The following CPNE4 variants were observed in gnomAD, a reference collection of about 807,000 sequenced individuals.
CPNE4 encodes copine 4, also known as copine-4.
CPNE4 carries 25 observed loss-of-function variants against 67.9 expected under a neutral mutation model. The observed-to-expected ratio is 0.37, with a 90% CI of 0.27 to 0.51. The LOEUF is 0.51. Ranked by LOEUF, CPNE4 falls within the 20% of genes least tolerant of loss-of-function variation. CPNE4 has a pLI of 0.93. For missense variants in CPNE4, 464 were observed against 690.8 expected, an observed-to-expected ratio of 0.67 and a Z score of 3.68; for synonymous variants, 242 against 244.9, an observed-to-expected ratio of 0.99 and a Z score of 0.11.
chr3:131,854,855 CTTT>C (rs1358802620), intron 2 of CPNE4, among the ~76,000 whole-genome samples: 1 of 148,400 alleles, frequency 6.7e-6, no homozygotes, highest in African/African-American at 2.5e-5. Context: ...CCTTCTTTTT[CTTT>C]TGAGGGTCCC....
chr3:132,028,230 A>G (rs1468969369), intron 1 of CPNE4, among the ~76,000 whole-genome samples: 1 of 152,212 alleles, frequency 6.6e-6, no homozygotes, highest in African/African-American at 2.4e-5. Context: ...CTTGAAATAC[A>G]GGGAGAGGAA....
intron 11 of CPNE4, among the ~76,000 whole-genome samples, chr3:131,561,938 A>G (rs544506813): frequency 9.8e-4 from 149 of 152,018 alleles, no homozygotes; most frequent in Non-Finnish European, 1.7e-3. Context: ...GAGTTTTTCA[A>G]TCCTCCTTCT....
intron 1 of CPNE4, among the ~76,000 whole-genome samples, chr3:131,986,869 A>AAC (rs199775130): frequency 2.0e-3 from 62 of 30,518 alleles, no homozygotes; most frequent in Middle Eastern, 0.02. Flanking sequence ...CAAACAAACA[A>AAC]AAAAAAAAAA....
chr3:131,879,203 T>G (rs1208190927), intron 2 of CPNE4, among the ~76,000 whole-genome samples: 1 of 152,200 alleles, frequency 6.6e-6, no homozygotes, highest in Non-Finnish European at 1.5e-5. Context: ...TGTATGAGAT[T>G]GTCTAAGAGA....
At chr3:131,664,439 C>A (rs2080208277) in intron 7 of CPNE4, among the ~76,000 whole-genome samples, 1 of 152,100 alleles carries the variant, frequency 6.6e-6, no homozygotes, top group Non-Finnish European at 1.5e-5. Context: ...TCTTATAAAT[C>A]ATACATTGAT....
At chr3:131,862,916 T>A (rs1351806418) in intron 2 of CPNE4, among the ~76,000 whole-genome samples, 1 of 150,934 alleles carries the variant, frequency 6.6e-6, no homozygotes, top group Non-Finnish European at 1.5e-5. Context: ...TGTCCATGTG[T>A]TCTCATTGTT....
intron 1 of CPNE4, among the ~76,000 whole-genome samples, chr3:132,019,959 G>T (rs1430019921): frequency 6.6e-6 from 1 of 152,160 alleles, no homozygotes; most frequent in Non-Finnish European, 1.5e-5. Flanking sequence ...GCTCATTAAG[G>T]ACATTCTCAC....
intron 2 of CPNE4, among the ~76,000 whole-genome samples, chr3:131,805,746 G>T (rs1177880449): frequency 2.0e-5 from 3 of 152,184 alleles, no homozygotes; most frequent in Non-Finnish European, 4.4e-5. Flanking sequence ...TTCTAAGACA[G>T]ATCTAGGGAG....
At chr3:131,640,072 G>A (rs2079501082) in intron 7 of CPNE4, among the ~76,000 whole-genome samples, 1 of 152,246 alleles carries the variant, frequency 6.6e-6, no homozygotes, top group Non-Finnish European at 1.5e-5. Context: ...GGGAAAAGTT[G>A]AAAGCATTCC....
At chr3:131,879,943 C>T (rs1374677253) in intron 2 of CPNE4, among the ~76,000 whole-genome samples, 1 of 152,040 alleles carries the variant, frequency 6.6e-6, no homozygotes, top group African/African-American at 2.4e-5. Context: ...TCCTGGGCTC[C>T]TCTTCCCAAT....
At chr3:131,905,468 A>C (rs765054603) in intron 1 of CPNE4, 24 bp from the exon 2 acceptor site, 7 of 1,593,310 alleles carry the variant, frequency 4.4e-6, no homozygotes, top group Admixed American at 3.5e-5. Context: ...GTAAAAGAAT[A>C]AAAAAGAAGT....
chr3:131,671,110 T>C (rs971188947), intron 6 of CPNE4, among the ~76,000 whole-genome samples: 3 of 152,192 alleles, frequency 2.0e-5, no homozygotes, highest in Admixed American at 6.5e-5. Context: ...TTTAATTAAT[T>C]ATCTATCCAA....
At chr3:131,606,855 T>G (rs1189331143) in intron 7 of CPNE4, among the ~76,000 whole-genome samples, 1 of 151,950 alleles carries the variant, frequency 6.6e-6, no homozygotes, top group Non-Finnish European at 1.5e-5. Flanking sequence ...GAAATTTTGT[T>G]TAGTTATTTG....
At chr3:131,746,922 CACAA>C (rs1287474496) in intron 2 of CPNE4, among the ~76,000 whole-genome samples, 5 of 152,160 alleles carry the variant, frequency 3.3e-5, no homozygotes, top group African/African-American at 1.2e-4. Flanking sequence ...TCCACATCCT[CACAA>C]ACACTCATTT....
intron 1 of CPNE4, among the ~76,000 whole-genome samples, chr3:131,911,108 T>C (rs1037526124): frequency 6.6e-6 from 1 of 152,270 alleles, no homozygotes; most frequent in South Asian, 2.1e-4. Flanking sequence ...AGTAATAGAA[T>C]GTCATCTCTG....
Position 131,993,472 on chromosome 3 carries a change from C to CGCA in CPNE4, c.-2+41094_-2+41095insTGC, listed in dbSNP as rs1553825010. Among the ~76,000 whole-genome samples, 12 of 60,474 alleles carry CGCA rather than the reference C, an allele frequency of 2.0e-4. 3 individuals are homozygous for CGCA. Among genetic ancestry groups the CGCA allele is most frequent in the Non-Finnish European group, 3.5e-4 (11 of 31,364 alleles). 39.7% of individuals were successfully genotyped at this position (60,474 alleles called of 152,430 possible). Reference sequence around the variant, plus strand: ...ACCCTGATTTCGTGTGCAGGAGTGGCAAAAAAAAAAAAAAAAAGCATAGCT... The same window carrying CGCA: ...ACCCTGATTTCGTGTGCAGGAGTGGCGCAAAAAAAAAAAAAAAAAAGCATAGCT... On this transcript the variant is annotated intron_variant, in intron 1 of 15. Transcript: ENST00000429747.
chr3:131,569,384 C>T (rs1185648542), intron 10 of CPNE4, among the ~76,000 whole-genome samples: 6 of 151,898 alleles, frequency 4.0e-5, no homozygotes, highest in African/African-American at 7.2e-5. Flanking sequence ...CTTATAATCC[C>T]AGTGCTTTGG....
At chr3:131,784,505 G>A (rs1164003901) in intron 2 of CPNE4, among the ~76,000 whole-genome samples, 1 of 152,048 alleles carries the variant, frequency 6.6e-6, no homozygotes, top group African/African-American at 2.4e-5. Context: ...GAGGCAGCCT[G>A]CAAGTGTGGG....
At chr3:131,648,018 T>A (rs1428125110) in intron 7 of CPNE4, among the ~76,000 whole-genome samples, 2 of 152,140 alleles carry the variant, frequency 1.3e-5, no homozygotes, top group African/African-American at 2.4e-5. Flanking sequence ...TTCTCCCCCA[T>A]CCCAGGATAG....
Sources: allele counts gnomAD v4.1 joint callset (sites outside exome capture counted in the v4.1 genomes callset), GRCh38; gene constraint gnomAD v4.1.1; transcripts MANE v1.5; gene names NCBI Gene and HGNC (gene_info 2026-07-23, HGNC 2026-07-21).